Variants in UNC5B observed in about 807,000 individuals in gnomAD.
The protein encoded by UNC5B is netrin receptor UNC5B.
In UNC5B, 56 loss-of-function variants were observed where a neutral mutation model predicts 103.7. The ratio of observed to expected loss-of-function variants is 0.54; its 90% CI spans 0.44 to 0.67. The LOEUF (loss-of-function observed/expected upper bound fraction) is 0.67, where lower values mean the gene tolerates loss of function less well. Ranked by LOEUF, UNC5B falls within the 30% of genes least tolerant of loss-of-function variation. The probability of loss-of-function intolerance (pLI) is 0.00; values close to 1 mark genes in which losing one functional copy is unlikely to be tolerated. For missense variants in UNC5B, 1,194 were observed against 1,284.5 expected, an observed-to-expected ratio of 0.93 and a Z score of 1.08; for synonymous variants, 577 against 542.0, an observed-to-expected ratio of 1.06 and a Z score of -0.90.
In UNC5B at chr10:71,291,625, G is replaced by A; in HGVS notation, c.1488G>A (p.Leu496=). 2 of 1,614,050 alleles carry A rather than the reference G, an allele frequency of 1.2e-6. No homozygotes were observed. The highest frequency in any genetic ancestry group is 1.7e-6 in the Non-Finnish European group (2 of 1,180,044). ...GCACCACGGGCTCTGGGCCAGGCCT[G>A]GCAGATGGGGCTGACCTGCTGGGGG... ...SSSTTGSGPG[L]ADGADLLGVL... Residue 496 remains leucine (L), a synonymous_variant, in exon 10 of 17, where the codon CTG becomes CTA. Coordinates refer to ENST00000335350, the MANE Select transcript of UNC5B (RefSeq NM_170744.5).
chr10:71,278,707 G>A (rs546819115), intron 1 of UNC5B, among the ~76,000 whole-genome samples: 4 of 152,290 alleles, frequency 2.6e-5, no homozygotes, highest in African/African-American at 7.2e-5. Context: ...CAGGCCTCCC[G>A]GGACACCACC....
chr10:71,296,485 C>G (rs556339258), intron 14 of UNC5B, 93 bp from the exon 15 acceptor site: 3 of 1,454,256 alleles, frequency 2.1e-6, no homozygotes, highest in South Asian at 1.3e-5. Flanking sequence ...CTGAACTGCC[C>G]CCCAAAGCTC....
intron 3 of UNC5B, 24 bp from the exon 4 acceptor site, chr10:71,285,302 T>C (rs747065618): frequency 6.3e-7 from 1 of 1,593,076 alleles, no homozygotes; most frequent in Non-Finnish European, 8.5e-7. Flanking sequence ...CCTGACTGCC[T>C]TGGGACCCTC....
intron 1 of UNC5B, among the ~76,000 whole-genome samples, chr10:71,248,321 A>G (rs1041400076): frequency 6.6e-6 from 1 of 152,122 alleles, no homozygotes; most frequent in Non-Finnish European, 1.5e-5. Flanking sequence ...CTGGGAGCCT[A>G]TACGGCCAGG....
intron 1 of UNC5B, among the ~76,000 whole-genome samples, chr10:71,215,973 G>C (rs566340337): frequency 6.7e-6 from 1 of 149,280 alleles, no homozygotes; most frequent in South Asian, 2.1e-4. Context: ...TCTCATTAAA[G>C]TGAAAGTACC....
intron 13 of UNC5B, among the ~76,000 whole-genome samples, chr10:71,295,130 T>C (rs1192505331): frequency 6.6e-6 from 1 of 152,168 alleles, no homozygotes; most frequent in African/African-American, 2.4e-5. Context: ...GAAAGGCCCA[T>C]GGGAGAAGGA....
chr10:71,220,185 G>A (rs1843425366), intron 1 of UNC5B, among the ~76,000 whole-genome samples: 2 of 152,212 alleles, frequency 1.3e-5, no homozygotes. Flanking sequence ...GCAGGCCCTG[G>A]AGGCAAAAGG....
chr10:71,268,493 C>T (rs992789266), intron 1 of UNC5B, among the ~76,000 whole-genome samples: 5 of 152,094 alleles, frequency 3.3e-5, no homozygotes, highest in Non-Finnish European at 7.4e-5. Context: ...GAAGGGTCCC[C>T]GACTGGAGGT....
intron 8 of UNC5B, among the ~76,000 whole-genome samples, chr10:71,289,264 G>A (rs896031881): frequency 6.6e-6 from 1 of 152,246 alleles, no homozygotes; most frequent in Non-Finnish European, 1.5e-5. Context: ...GAAGGGACTT[G>A]GCCAGAGACA....
Position 71,293,422 on chromosome 10 carries a change from C to T in UNC5B, c.1790C>T (p.Thr597Ile), listed in dbSNP as rs748220792. The T allele has an allele frequency of 1.9e-6, 3 of 1,613,664 alleles. No individual in the cohort carries two copies. The highest frequency in any genetic ancestry group is 2.5e-6 in the Non-Finnish European group (3 of 1,179,840). Residue 597 changes from threonine to isoleucine, a missense_variant, in exon 12 of 17, where the codon ACC (threonine) becomes ATC (isoleucine). Coordinates refer to ENST00000335350, the MANE Select transcript of UNC5B (RefSeq NM_170744.5). ...TCCTCCAGCCCGCTTTCAGAAGGGA[C>T]CCAGACAGTATTGAGCCCCTCGGTG... is the stretch of plus-strand genomic sequence containing the variant. Reference protein sequence around the residue: ...AESTLPLSEGTQTVLSPSVTC... With the variant: ...AESTLPLSEGIQTVLSPSVTC...
At chr10:71,235,807 T>G (rs1336875457) in intron 1 of UNC5B, among the ~76,000 whole-genome samples, 1 of 152,044 alleles carries the variant, frequency 6.6e-6, no homozygotes, top group Non-Finnish European at 1.5e-5. Flanking sequence ...AGCCTTAGAG[T>G]GCCCAAGCCG....
At chr10:71,288,910 T>G in intron 7 of UNC5B, 48 bp from the exon 8 acceptor site, 1 of 1,605,778 alleles carries the variant, frequency 6.2e-7, no homozygotes, top group African/African-American at 1.3e-5. Flanking sequence ...TCTGCCACCC[T>G]TTCCCTGTCA....
chr10:71,232,556 G>C, intron 1 of UNC5B, among the ~76,000 whole-genome samples: 1 of 152,276 alleles, frequency 6.6e-6, no homozygotes, highest in Admixed American at 6.5e-5. Context: ...GACCTCAGCT[G>C]CTGGAAGGCT....
intron 1 of UNC5B, among the ~76,000 whole-genome samples, chr10:71,246,001 G>A (rs1027867172): frequency 6.6e-6 from 1 of 152,198 alleles, no homozygotes; most frequent in East Asian, 1.9e-4. Flanking sequence ...GCGAGGGTGT[G>A]CGGAAGGCCT....
intron 1 of UNC5B, among the ~76,000 whole-genome samples, chr10:71,235,018 AG>A (rs1190817843): frequency 3.9e-5 from 6 of 151,938 alleles, no homozygotes; most frequent in Non-Finnish European, 8.8e-5. Context: ...CCCAGCGCCC[AG>A]GGGGGCCCCT....
chr10:71,238,767 C>A (rs1843826423), intron 1 of UNC5B, among the ~76,000 whole-genome samples: 1 of 152,118 alleles, frequency 6.6e-6, no homozygotes, highest in African/African-American at 2.4e-5. Context: ...TTATACATAT[C>A]CTCAGAAGCT....
At chr10:71,228,898 G>T (rs1294811348) in intron 1 of UNC5B, among the ~76,000 whole-genome samples, 2 of 152,288 alleles carry the variant, frequency 1.3e-5, no homozygotes, top group African/African-American at 2.4e-5. Context: ...TAGTGTCAGG[G>T]CCTCATCTGG....
At chr10:71,288,505 A>C (rs1006695085) in intron 6 of UNC5B, 63 bp from the exon 7 acceptor site, 1 of 1,568,556 alleles carries the variant, frequency 6.4e-7, no homozygotes, top group African/African-American at 1.4e-5. Flanking sequence ...TCTGTTCTGC[A>C]CACATAACTA....
chr10:71,299,367 G>A lies in UNC5B; in HGVS notation c.*90G>A. ...CTCCTGATGGGGATGTTTGGCCTCT[G>A]CTTCCTCCCAGTTCACAGCCAGAGT... On this transcript the variant is annotated 3_prime_UTR_variant, in exon 17 of 17. Coordinates refer to ENST00000335350, the MANE Select transcript of UNC5B (RefSeq NM_170744.5). The A allele has an allele frequency of 6.6e-7, 1 of 1,522,682 alleles. No homozygotes were observed. Among genetic ancestry groups the A allele is most frequent in the Non-Finnish European group, 8.9e-7 (1 of 1,125,008 alleles). 94.3% of individuals were successfully genotyped at this position (1,522,682 alleles called of 1,614,324 possible). A position where few individuals can be genotyped will look rare whatever the true frequency, so the allele number is the denominator to read the frequency against.
Sources: gnomAD v4.1 joint callset for allele counts (sites outside exome capture counted in the v4.1 genomes callset) on GRCh38, gnomAD v4.1.1 for gene constraint, MANE v1.5 for transcripts, NCBI Gene and HGNC (gene_info 2026-07-23, HGNC 2026-07-21) for gene names.